TRAP1: variants seen among roughly 807,000 people sequenced by gnomAD.
TRAP1 encodes the protein heat shock protein 75 kDa, mitochondrial.
In TRAP1, 102 loss-of-function variants were observed where a neutral mutation model predicts 89.1. The ratio of observed to expected loss-of-function variants is 1.15; its 90% CI spans 0.98 to 1.35. TRAP1 has a LOEUF of 1.35. Among genes scored for constraint, TRAP1 ranks in the 40% most tolerant of loss-of-function variants. The pLI is 0.00. For synonymous variants in TRAP1, 508 were observed against 388.0 expected, an observed-to-expected ratio of 1.31 and a Z score of -3.64; for missense variants, 1,256 against 945.3, an observed-to-expected ratio of 1.33 and a Z score of -4.31.
intron 8 of TRAP1, chr16:3,674,888 T>A (rs2050967664): frequency 3.1e-6 from 1 of 326,364 alleles, no homozygotes; most frequent in African/African-American, 2.1e-5. Context: ...GCCGTGTGAC[T>A]CCATCCAGGA....
Position 3,663,481 on chromosome 16 carries a change from C to G in TRAP1, c.1651G>C (p.Glu551Gln), listed in dbSNP as rs2050739149. ...TAGTGATCCACGACTATGTCCGTCT[C>G]CACAGAGATCAGCTTCTTCTTGTCA... The part of the protein sequence containing the change: ...EFDKKKLISV[E>Q]TDIVVDHYKE... The change falls in exon 14 of 18, where the codon GAG becomes CAG. Residue 551 changes from glutamate to glutamine, a missense_variant. Coordinates refer to ENST00000246957, the MANE Select transcript of TRAP1 (RefSeq NM_016292.3). 2 of 1,614,072 alleles carry G rather than the reference C, an allele frequency of 1.2e-6. No homozygotes were observed. The highest frequency in any genetic ancestry group is 1.3e-5 in the African/African-American group (1 of 74,938).
intron 6 of TRAP1, chr16:3,676,659 G>A (rs556515513): frequency 6.5e-6 from 1 of 152,856 alleles, no homozygotes; most frequent in Non-Finnish European, 1.5e-5. Context: ...TGTTAGTTTT[G>A]GGAGAGTGGG....
intron 17 of TRAP1, 21 bp from the exon 18 acceptor site, chr16:3,658,251 C>A: frequency 1.9e-6 from 3 of 1,596,798 alleles, no homozygotes; most frequent in Non-Finnish European, 2.6e-6. Flanking sequence ...AGAGGAGAAA[C>A]CCATTATGAG....
At position 3,676,335 on chromosome 16, in the gene TRAP1, C is replaced by T. The variant is rs539176498; in HGVS notation, c.705-190G>A. On this transcript the variant is annotated intron_variant, in intron 6 of 17. Transcript: ENST00000246957. Reference sequence around the variant, plus strand: ...TGCCCATCAGGAACGATGAGCCTGTCGCAGGCGGCAGAGTTCTCCTGGTTC... The same window carrying T: ...TGCCCATCAGGAACGATGAGCCTGTTGCAGGCGGCAGAGTTCTCCTGGTTC... The T allele has an allele frequency of 8.8e-5, 31 of 352,622 alleles. No homozygotes were observed. In the East Asian group the frequency reaches 1.7e-3, roughly 19 times the overall value. The allele number at this position is 352,622 out of a possible 1,614,324, so 21.8% of individuals were successfully genotyped here.
chr16:3,693,928 G>A (rs1386826852), intron 1 of TRAP1, among the ~76,000 whole-genome samples: 2 of 151,870 alleles, frequency 1.3e-5, no homozygotes, highest in South Asian at 2.1e-4. Flanking sequence ...AGGATGTTGA[G>A]GCTGTAGTGA....
chr16:3,693,408 G>A (rs908664633), intron 1 of TRAP1, among the ~76,000 whole-genome samples: 3 of 63,042 alleles, frequency 4.8e-5, no homozygotes, highest in Admixed American at 3.8e-4. Flanking sequence ...AAAAAATCCC[G>A]GGACATTTCT....
intron 4 of TRAP1, among the ~76,000 whole-genome samples, chr16:3,683,687 T>C (rs2051102123): frequency 6.6e-6 from 1 of 150,912 alleles, no homozygotes; most frequent in Non-Finnish European, 1.5e-5. Flanking sequence ...CACCCGGCCA[T>C]AAGGTTTCAA....
In TRAP1 at chr16:3,686,232, G is replaced by T. The variant is rs550732882; in HGVS notation, c.331-96C>A. The stretch of plus-strand genomic sequence containing the variant: ...CACTTCCAATAACTGTTAAAAGGTA[G>T]AGGAGAATAGTCAATTCTCAAAGCA... On this transcript the variant is annotated intron_variant, in intron 3 of 17. Coordinates refer to ENST00000246957, the MANE Select transcript of TRAP1 (RefSeq NM_016292.3). 2.2e-6 allele frequency: 3 copies of T among 1,374,018 alleles called. No homozygotes were observed. In the South Asian group the frequency reaches 4.0e-5, roughly 18 times the overall value. The allele number at this position is 1,374,018 out of a possible 1,614,324, so 85.1% of individuals were successfully genotyped here. A position where few individuals can be genotyped will look rare whatever the true frequency, so the allele number is the denominator to read the frequency against.
At chr16:3,707,335 A>G (rs1398970077) in intron 1 of TRAP1, among the ~76,000 whole-genome samples, 15 of 150,558 alleles carry the variant, frequency 1.0e-4, no homozygotes, top group African/African-American at 2.0e-4. Context: ...ACAGGCGCCC[A>G]CCACCACACC....
chr16:3,681,630 A>G (rs1299828347), intron 4 of TRAP1, among the ~76,000 whole-genome samples: 1 of 152,214 alleles, frequency 6.6e-6, no homozygotes, highest in Non-Finnish European at 1.5e-5. Context: ...AAAACTACTT[A>G]AAATTAGTAT....
intron 11 of TRAP1, among the ~76,000 whole-genome samples, chr16:3,671,219 G>A (rs368617869): frequency 1.3e-5 from 2 of 152,088 alleles, no homozygotes; most frequent in Admixed American, 6.5e-5. Context: ...ACCATCAACA[G>A]CAGTCATCTC....
chr16:3,663,036 C>A (rs536290795), intron 14 of TRAP1, 69 bp from the exon 15 acceptor site: 2 of 1,274,952 alleles, frequency 1.6e-6, no homozygotes, highest in South Asian at 2.7e-5. Flanking sequence ...GGGGGCCACG[C>A]AGCATGCTTC....
intron 1 of TRAP1, among the ~76,000 whole-genome samples, chr16:3,715,090 T>A (rs568696644): frequency 6.6e-6 from 1 of 152,198 alleles, no homozygotes; most frequent in Non-Finnish European, 1.5e-5. Flanking sequence ...AGAGGAATGC[T>A]TGAACCACCG....
intron 3 of TRAP1, 66 bp downstream of exon 3, chr16:3,688,989 G>T (rs2151268353): frequency 1.4e-6 from 2 of 1,414,030 alleles, no homozygotes; most frequent in East Asian, 2.3e-5. Context: ...TCTCCAGAAT[G>T]GCATAAAAAC....
chr16:3,702,758 A>AT (rs1212488276), intron 1 of TRAP1, among the ~76,000 whole-genome samples: 4 of 149,760 alleles, frequency 2.7e-5, no homozygotes, highest in Non-Finnish European at 5.9e-5. Context: ...GAGAAATTTA[A>AT]AAAGCTGGGT....
intron 11 of TRAP1, among the ~76,000 whole-genome samples, chr16:3,671,319 TAA>T (rs2050909781): frequency 6.6e-6 from 1 of 152,328 alleles, no homozygotes; most frequent in Middle Eastern, 3.4e-3. Context: ...AGGTTTTGAA[TAA>T]AGACTATTTG....
chr16:3,686,229 G>A (rs867896409), intron 3 of TRAP1, 93 bp from the exon 4 acceptor site: 1 of 1,419,076 alleles, frequency 7.0e-7, no homozygotes, highest in South Asian at 1.3e-5. Context: ...CTGTTAAAAG[G>A]TAGAGGAGAA....
Position 3,691,835 on chromosome 16 carries a change from C to T in TRAP1, c.89-850G>A, listed in dbSNP as rs374856292. Among the ~76,000 whole-genome samples, 268 of 152,240 alleles carry T rather than the reference C, an allele frequency of 1.8e-3. 2 individuals carry two copies. Among genetic ancestry groups the T allele is most frequent in the African/African-American group, 5.9e-3 (243 of 41,532 alleles). The stretch of plus-strand genomic sequence containing the variant: ...AAAAACAGCTGACGATGGGTTCTAC[C>T]TTCTAACTAAGAAGGAGACTTGTCT... On this transcript the variant is annotated intron_variant, in intron 1 of 17. Transcript: ENST00000246957.
At chr16:3,676,632 A>G (rs950502635) in intron 6 of TRAP1, 1 of 153,134 alleles carries the variant, frequency 6.5e-6, no homozygotes. Context: ...CCCCGCTCCC[A>G]TGGAATTAAA....
Sources: allele counts gnomAD v4.1 joint callset (sites outside exome capture counted in the v4.1 genomes callset), GRCh38; gene constraint gnomAD v4.1.1; transcripts MANE v1.5; gene names NCBI Gene and HGNC (gene_info 2026-07-23, HGNC 2026-07-21).